The following PCCA variants were observed in gnomAD, a reference collection of about 807,000 sequenced individuals.
PCCA encodes propionyl-CoA carboxylase subunit alpha, also known as propionyl-CoA carboxylase alpha chain, mitochondrial.
In PCCA, 74 loss-of-function variants were observed where a neutral mutation model predicts 101.3. The ratio of observed to expected loss-of-function variants is 0.73; its 90% CI spans 0.61 to 0.89. The LOEUF is 0.89. PCCA is among the 40% of genes least tolerant of loss of function. The pLI, the probability that PCCA is intolerant of heterozygous loss-of-function variation, is 0.00. For missense variants in PCCA, 891 were observed against 907.0 expected (o/e 0.98, Z 0.23); for synonymous variants, 294 against 313.6 (o/e 0.94, Z 0.66).
At chr13:100,350,972 C>G (rs764658105) in intron 18 of PCCA, among the ~76,000 whole-genome samples, 9 of 152,192 alleles carry the variant, frequency 5.9e-5, no homozygotes, top group Non-Finnish European at 7.3e-5. Flanking sequence ...CCTTTTTTAA[C>G]CTGTCACCAG....
chr13:100,238,608 A>G (rs1248890325), intron 8 of PCCA, among the ~76,000 whole-genome samples: 2 of 152,194 alleles, frequency 1.3e-5, no homozygotes, highest in African/African-American at 4.8e-5. Context: ...AATAAACCAT[A>G]AAGAACTAGG....
At chr13:100,397,858 C>G (rs1259886976) in intron 19 of PCCA, among the ~76,000 whole-genome samples, 1 of 152,168 alleles carries the variant, frequency 6.6e-6, no homozygotes, top group African/African-American at 2.4e-5. Context: ...GCACAATCTT[C>G]TGTTGTAAAT....
intron 16 of PCCA, among the ~76,000 whole-genome samples, chr13:100,323,261 A>G (rs961092724): frequency 2.0e-5 from 3 of 152,198 alleles, no homozygotes; most frequent in African/African-American, 7.2e-5. Flanking sequence ...GTCTTGTAGG[A>G]AAGTTACACT....
intron 16 of PCCA, among the ~76,000 whole-genome samples, chr13:100,324,172 C>T (rs976537669): frequency 4.6e-5 from 7 of 152,226 alleles, no homozygotes; most frequent in Non-Finnish European, 7.3e-5. Flanking sequence ...TAATTTCTGC[C>T]TTCCCTGGAT....
intron 6 of PCCA, among the ~76,000 whole-genome samples, chr13:100,168,912 G>T (rs1381401933): frequency 6.6e-6 from 1 of 152,134 alleles, no homozygotes; most frequent in Non-Finnish European, 1.5e-5. Flanking sequence ...TTAAGCCATT[G>T]TAAACTGAGG....
chr13:100,264,547 C>T (rs1162120934), intron 10 of PCCA, among the ~76,000 whole-genome samples: 1 of 152,130 alleles, frequency 6.6e-6, no homozygotes, highest in Non-Finnish European at 1.5e-5. Flanking sequence ...TGAGATTCTT[C>T]CCTGAGGCTC....
chr13:100,462,274 T>C (rs950609353), intron 21 of PCCA, among the ~76,000 whole-genome samples: 1 of 152,242 alleles, frequency 6.6e-6, no homozygotes, highest in Non-Finnish European at 1.5e-5. Context: ...GTTTTTATTC[T>C]TTTGAAATTG....
chr13:100,186,421 G>T (rs1214059638), intron 6 of PCCA, among the ~76,000 whole-genome samples: 1 of 152,104 alleles, frequency 6.6e-6, no homozygotes, highest in Non-Finnish European at 1.5e-5. Flanking sequence ...TTCTGCTAAT[G>T]GATGGGGAAT....
At chr13:100,102,990 T>A in intron 2 of PCCA, 30 bp downstream of exon 2, 2 of 1,359,582 alleles carry the variant, frequency 1.5e-6, no homozygotes, top group Non-Finnish European at 2.1e-6. Context: ...TCTCAACAAC[T>A]AAATTAAACT....
chr13:100,125,002 T>C (rs1473984012), intron 4 of PCCA, among the ~76,000 whole-genome samples: 1 of 152,196 alleles, frequency 6.6e-6, no homozygotes, highest in Non-Finnish European at 1.5e-5. Flanking sequence ...TCTTTTTAAT[T>C]TCACAAAAAT....
At chr13:100,119,711 G>C (rs972908274) in intron 4 of PCCA, among the ~76,000 whole-genome samples, 1 of 152,036 alleles carries the variant, frequency 6.6e-6, no homozygotes, top group Non-Finnish European at 1.5e-5. Context: ...TGAGCCTCCT[G>C]GCTTTAGACA....
chr13:100,340,014 C>T, intron 17 of PCCA, 143 bp from the exon 18 acceptor site: 1 of 690,190 alleles, frequency 1.4e-6, no homozygotes, highest in Non-Finnish European at 2.7e-6. Flanking sequence ...AATGTCCGCA[C>T]ACCCCAGTGC....
At chr13:100,216,844 C>T (rs2059549275) in intron 7 of PCCA, among the ~76,000 whole-genome samples, 2 of 152,142 alleles carry the variant, frequency 1.3e-5, no homozygotes, top group African/African-American at 4.8e-5. Context: ...TATGGTGGCT[C>T]ATGCCTGTAA....
At chr13:100,469,469 TTG>T (rs2082813503) in intron 21 of PCCA, among the ~76,000 whole-genome samples, 1 of 151,974 alleles carries the variant, frequency 6.6e-6, no homozygotes, top group South Asian at 2.1e-4. Flanking sequence ...TTGGCCTTTC[TTG>T]TACGTATCAA....
At chr13:100,201,972 G>T (rs1229656755) in intron 6 of PCCA, among the ~76,000 whole-genome samples, 1 of 148,068 alleles carries the variant, frequency 6.8e-6, no homozygotes. Flanking sequence ...CAGAGTTTAT[G>T]AGTTCTTGCA....
chr13:100,430,009 G>T (rs1352849178), intron 20 of PCCA, among the ~76,000 whole-genome samples: 2 of 152,044 alleles, frequency 1.3e-5, no homozygotes, highest in African/African-American at 2.4e-5. Flanking sequence ...GGTCACTGTG[G>T]CTCACGCCTG....
intron 17 of PCCA, among the ~76,000 whole-genome samples, chr13:100,333,164 G>A (rs1326246585): frequency 2.6e-5 from 4 of 152,042 alleles, no homozygotes; most frequent in South Asian, 2.1e-4. Context: ...AGTGGTTACT[G>A]TCTGTCATTC....
chr13:100,149,006 C>A (rs989429648), intron 4 of PCCA, among the ~76,000 whole-genome samples: 2 of 151,986 alleles, frequency 1.3e-5, no homozygotes, highest in Admixed American at 1.3e-4. Flanking sequence ...TAAAAAAAAT[C>A]ATTTTGTTTT....
At chr13:100,096,184 C>T (rs2046758260) in intron 1 of PCCA, among the ~76,000 whole-genome samples, 1 of 152,012 alleles carries the variant, frequency 6.6e-6, no homozygotes, top group Non-Finnish European at 1.5e-5. Flanking sequence ...TTTGTGGCAA[C>T]CCTGCTTTGA....
Sources: allele counts gnomAD v4.1 joint callset (sites outside exome capture counted in the v4.1 genomes callset), GRCh38; gene constraint gnomAD v4.1.1; transcripts MANE v1.5; gene names NCBI Gene and HGNC (gene_info 2026-07-23, HGNC 2026-07-21).